The following KDM4C variants were observed in gnomAD, a reference collection of about 807,000 sequenced individuals.
The protein encoded by KDM4C is lysine-specific demethylase 4C.
A neutral mutation model predicts 129.3 loss-of-function variants in KDM4C; 81 were observed. The ratio of observed to expected loss-of-function variants is 0.63; its 90% CI spans 0.52 to 0.75. The LOEUF (loss-of-function observed/expected upper bound fraction) is 0.75. KDM4C is among the 30% of genes least tolerant of loss of function. The pLI, the probability that KDM4C is intolerant of heterozygous loss-of-function variation, is 0.00. For synonymous variants in KDM4C, 573 were observed against 456.1 expected, an observed-to-expected ratio of 1.26 and a Z score of -3.26; for missense variants, 1,457 against 1,304.0, an observed-to-expected ratio of 1.12 and a Z score of -1.81.
intron 8 of KDM4C, among the ~76,000 whole-genome samples, chr9:6,956,790 G>C (rs1829140818): frequency 6.6e-6 from 1 of 152,198 alleles, no homozygotes; most frequent in Non-Finnish European, 1.5e-5. Context: ...TAACCAGCTG[G>C]CATGCTTTAT....
At chr9:7,143,503 T>TG (rs1433701541) in intron 19 of KDM4C, among the ~76,000 whole-genome samples, 2 of 152,342 alleles carry the variant, frequency 1.3e-5, no homozygotes, top group South Asian at 2.1e-4. Context: ...ATTCCACAGT[T>TG]GCGTGCATCA....
chr9:7,172,010 C>T (rs748398519), intron 21 of KDM4C, among the ~76,000 whole-genome samples: 7 of 152,190 alleles, frequency 4.6e-5, no homozygotes, highest in Admixed American at 3.9e-4. Context: ...TTGTCGTAGC[C>T]AGCCTGTTTC....
chr9:6,807,285 G>A (rs1830176958), intron 3 of KDM4C, among the ~76,000 whole-genome samples: 1 of 151,896 alleles, frequency 6.6e-6, no homozygotes, highest in African/African-American at 2.4e-5. Context: ...CGAGATTGCA[G>A]CCTCTGCCCA....
chr9:6,790,945 G>A (rs1407490609), intron 1 of KDM4C, among the ~76,000 whole-genome samples: 1 of 152,148 alleles, frequency 6.6e-6, no homozygotes, highest in East Asian at 1.9e-4. Context: ...ATCTCCTATA[G>A]TCTTTCCTTT....
intron 17 of KDM4C, among the ~76,000 whole-genome samples, chr9:7,068,886 G>C (rs1209950406): frequency 6.6e-6 from 1 of 151,580 alleles, no homozygotes; most frequent in Non-Finnish European, 1.5e-5. Flanking sequence ...TAGTAGAGAC[G>C]GAGTTTCATC....
chr9:7,098,454 C>G (rs1173482857), intron 17 of KDM4C, among the ~76,000 whole-genome samples: 1 of 152,204 alleles, frequency 6.6e-6, no homozygotes, highest in Non-Finnish European at 1.5e-5. Context: ...ATGCTCTGAA[C>G]TTGGAGTGCA....
chr9:6,808,690 TAAAA>T (rs908471656), intron 3 of KDM4C, among the ~76,000 whole-genome samples: 13 of 63,836 alleles, frequency 2.0e-4, no homozygotes, highest in South Asian at 1.9e-3. Context: ...GAATTATCAA[TAAAA>T]AAAAAAAAAA....
At chr9:6,733,438 T>G (rs1484273264) in intron 1 of KDM4C, among the ~76,000 whole-genome samples, 3 of 152,210 alleles carry the variant, frequency 2.0e-5, no homozygotes, top group Non-Finnish European at 4.4e-5. Flanking sequence ...AGGGCACATC[T>G]CAGCAAGTGT....
At position 6,893,244 on chromosome 9, in the gene KDM4C, C is replaced by T. The variant is rs762712275; in HGVS notation, c.921+12C>T. ...AAGTTGCCAAATTGGTAAGCTATGC[C>T]TCAAAAATAAAGCAAAAATTAAATG... On this transcript the variant is annotated intron_variant, in intron 8 of 21. Transcript: ENST00000381309. The T allele has an allele frequency of 6.3e-7, 1 of 1,596,896 alleles. No homozygotes were observed. The highest frequency in any genetic ancestry group is 1.1e-5 in the South Asian group (1 of 88,406).
At chr9:6,993,020 C>T (rs568432482) in intron 12 of KDM4C, among the ~76,000 whole-genome samples, 1 of 152,238 alleles carries the variant, frequency 6.6e-6, no homozygotes, top group Admixed American at 6.5e-5. Context: ...AGTGCAGTGG[C>T]TCTTTGATAC....
chr9:6,960,234 G>A (rs1041144728), intron 8 of KDM4C, among the ~76,000 whole-genome samples: 1 of 151,656 alleles, frequency 6.6e-6, no homozygotes, highest in Non-Finnish European at 1.5e-5. Context: ...CAAAGACTGT[G>A]AAGCAGTTGA....
At chr9:6,919,340 T>G (rs769768416) in intron 8 of KDM4C, among the ~76,000 whole-genome samples, 18 of 151,300 alleles carry the variant, frequency 1.2e-4, no homozygotes, top group Non-Finnish European at 2.2e-4. Context: ...GTCAGATGTA[T>G]AGTGTGCAAA....
At chr9:7,117,271 A>C (rs1839003930) in intron 18 of KDM4C, among the ~76,000 whole-genome samples, 1 of 152,120 alleles carries the variant, frequency 6.6e-6, no homozygotes, top group Non-Finnish European at 1.5e-5. Context: ...AAAATCTGTT[A>C]AACTATTTAA....
intron 17 of KDM4C, among the ~76,000 whole-genome samples, chr9:7,102,564 G>A (rs1837222860): frequency 6.6e-6 from 1 of 152,172 alleles, no homozygotes; most frequent in Non-Finnish European, 1.5e-5. Flanking sequence ...GCAGAGATCA[G>A]AGTAAGACTG....
At chr9:6,987,418 A>G (rs1196124218) in intron 11 of KDM4C, among the ~76,000 whole-genome samples, 3 of 152,224 alleles carry the variant, frequency 2.0e-5, no homozygotes, top group Non-Finnish European at 2.9e-5. Context: ...CCATGTAGCC[A>G]TAAGAGTGGA....
intron 8 of KDM4C, among the ~76,000 whole-genome samples, chr9:6,906,858 T>A (rs1563793119): frequency 6.6e-6 from 1 of 152,240 alleles, no homozygotes; most frequent in East Asian, 1.9e-4. Flanking sequence ...AAATTGCCTT[T>A]AAATATTAGT....
chr9:6,744,059 C>T (rs542751589), intron 1 of KDM4C, among the ~76,000 whole-genome samples: 1 of 111,998 alleles, frequency 8.9e-6, no homozygotes, highest in East Asian at 3.0e-4. Flanking sequence ...CTCTCCAGTT[C>T]TATGTAAAAA....
chr9:6,897,665 T>G (rs1413496072), intron 8 of KDM4C, among the ~76,000 whole-genome samples: 2 of 152,172 alleles, frequency 1.3e-5, no homozygotes, highest in Non-Finnish European at 1.5e-5. Context: ...GCTACATGTG[T>G]GTACAAAGAA....
intron 8 of KDM4C, among the ~76,000 whole-genome samples, chr9:6,947,551 A>G (rs2131461506): frequency 6.6e-6 from 1 of 152,132 alleles, no homozygotes; most frequent in South Asian, 2.1e-4. Context: ...ATGGTCATTT[A>G]GATTTTTAAA....
Sources: gnomAD v4.1 joint callset for allele counts (sites outside exome capture counted in the v4.1 genomes callset) on GRCh38, gnomAD v4.1.1 for gene constraint, MANE v1.5 for transcripts, NCBI Gene and HGNC (gene_info 2026-07-23, HGNC 2026-07-21) for gene names.